Variants in CALCR observed in about 807,000 individuals in gnomAD.
CALCR encodes calcitonin receptor.
Under a neutral mutation model 59.5 loss-of-function variants are expected in CALCR, and 47 were observed. That is an observed-to-expected ratio of 0.79 (90% CI 0.63 to 1.01). CALCR has a LOEUF of 1.01. Ranked by LOEUF, CALCR falls within the 50% of genes least tolerant of loss-of-function variation. The pLI is 0.00. For synonymous variants in CALCR, 213 were observed against 211.3 expected (o/e 1.01, Z -0.07); for missense variants, 566 against 597.1 (o/e 0.95, Z 0.54).
intron 3 of CALCR, among the ~76,000 whole-genome samples, chr7:93,482,606 T>C (rs1055428087): frequency 2.6e-5 from 4 of 151,874 alleles, no homozygotes; most frequent in South Asian, 4.1e-4. Context: ...ATGGAAACCA[T>C]AGGCAAATAG....
intron 2 of CALCR, among the ~76,000 whole-genome samples, chr7:93,496,611 A>AT (rs1284760014): frequency 6.6e-6 from 1 of 151,502 alleles, no homozygotes; most frequent in Non-Finnish European, 1.5e-5. Flanking sequence ...CTCACAGGCG[A>AT]TTATTCCTTT....
At chr7:93,470,123 T>C (rs1291395336) in intron 6 of CALCR, among the ~76,000 whole-genome samples, 1 of 151,780 alleles carries the variant, frequency 6.6e-6, no homozygotes, top group Non-Finnish European at 1.5e-5. Context: ...TTGGGGCATT[T>C]TCATTGTTGA....
At chr7:93,478,933 T>C (rs770163658) in intron 4 of CALCR, among the ~76,000 whole-genome samples, 10 of 151,742 alleles carry the variant, frequency 6.6e-5, no homozygotes, top group Admixed American at 1.3e-4. Flanking sequence ...ATAGTATGGG[T>C]TGCCAACCAA....
chr7:93,568,134 A>G (rs564712882), intron 2 of CALCR, among the ~76,000 whole-genome samples: 55 of 152,286 alleles, frequency 3.6e-4, no homozygotes, highest in South Asian at 2.9e-3. Flanking sequence ...GCTCACATGC[A>G]TGGGACCTCT....
intron 2 of CALCR, among the ~76,000 whole-genome samples, chr7:93,510,049 T>C (rs1214916150): frequency 6.6e-6 from 1 of 152,218 alleles, no homozygotes; most frequent in African/African-American, 2.4e-5. Context: ...AATAAACGAC[T>C]CTTACTAAAG....
intron 8 of CALCR, among the ~76,000 whole-genome samples, chr7:93,445,154 G>A (rs1463492935): frequency 1.3e-5 from 2 of 151,990 alleles, no homozygotes; most frequent in Non-Finnish European, 2.9e-5. Flanking sequence ...AAAACACCAG[G>A]TAATCTAAAA....
At chr7:93,434,389 G>GAGA in intron 12 of CALCR, 95 bp from the exon 13 acceptor site, 1 of 511,148 alleles carries the variant, frequency 2.0e-6, no homozygotes, top group Non-Finnish European at 3.4e-6. Context: ...AAGGCCTGAT[G>GAGA]AAAAAAAAAA....
intron 7 of CALCR, among the ~76,000 whole-genome samples, chr7:93,465,114 T>C (rs1285152678): frequency 2.6e-5 from 4 of 151,930 alleles, no homozygotes; most frequent in Non-Finnish European, 4.4e-5. Flanking sequence ...CAGAAAGACA[T>C]GGATAACAAT....
chr7:93,464,725 T>C (rs1800406676), intron 7 of CALCR, among the ~76,000 whole-genome samples: 1 of 151,962 alleles, frequency 6.6e-6, no homozygotes, highest in Non-Finnish European at 1.5e-5. Context: ...AACAGTTATC[T>C]TTGGTGTCTG....
intron 2 of CALCR, among the ~76,000 whole-genome samples, chr7:93,562,768 A>G (rs564303019): frequency 6.6e-6 from 1 of 152,332 alleles, no homozygotes; most frequent in South Asian, 2.1e-4. Context: ...CTCTTCAATA[A>G]AGAATATCCT....
chr7:93,480,040 T>C (rs926347026), intron 3 of CALCR, among the ~76,000 whole-genome samples: 1 of 151,952 alleles, frequency 6.6e-6, no homozygotes, highest in Non-Finnish European at 1.5e-5. Flanking sequence ...CTGCTCCTCA[T>C]AATTGACCAT....
chr7:93,525,857 G>GA lies in CALCR; in HGVS notation c.-26-38851dup, dbSNP rs1235906302. Among the ~76,000 whole-genome samples the GA allele has an allele frequency of 3.3e-5, 5 of 151,838 alleles. 1 individual carries two copies. Among genetic ancestry groups the GA allele is most frequent in the Admixed American group, 1.3e-4 (2 of 15,238 alleles). ...GTTAATTTAAAAGTGACTGATTTTG[G>GA]AAAAAAAATCTCTTTTGTGGGGAGG... is the stretch of plus-strand genomic sequence containing the variant. On this transcript the variant is annotated intron_variant, in intron 2 of 13. Coordinates refer to ENST00000426151, the MANE Select transcript of CALCR (RefSeq NM_001742.4).
rs1445609393 is a variant in CALCR, at chr7:93,574,325, A to G, written c.-63T>C. 1 of 152,322 alleles carries G rather than the reference A, an allele frequency of 6.6e-6. No homozygotes were observed. The highest frequency in any genetic ancestry group is 1.5e-5 in the Non-Finnish European group (1 of 68,158). The allele number at this position is 152,322 out of a possible 1,614,324, so 9.4% of individuals were successfully genotyped here. The stretch of plus-strand genomic sequence containing the variant: ...TCACTGGGCGGCTGGGCACAGCTCA[A>G]TAGAAGCAAAGGGTGTTCGCAGGTG... On this transcript the variant is annotated 5_prime_UTR_variant, in exon 2 of 14. Coordinates refer to ENST00000426151, the MANE Select transcript of CALCR (RefSeq NM_001742.4).
Position 93,434,244 on chromosome 7 carries a change from C to T in CALCR, c.1191+9G>A, listed in dbSNP as rs370147163. 4.4e-6 allele frequency: 7 copies of T among 1,599,534 alleles called. No individual in the cohort carries two copies. The African/African-American group carries it at 9.4e-5, about 21-fold the overall frequency. On this transcript the variant is annotated intron_variant, in intron 13 of 13. Transcript: ENST00000426151. Reference sequence around the variant, plus strand: ...ACAAGTGATAGTATTATATGAAATGCATGCTTACCTCATTGTTGCAGAAGC... The same window carrying T: ...ACAAGTGATAGTATTATATGAAATGTATGCTTACCTCATTGTTGCAGAAGC...
chr7:93,461,455 C>T (rs1800335062), intron 7 of CALCR, among the ~76,000 whole-genome samples: 1 of 152,138 alleles, frequency 6.6e-6, no homozygotes, highest in Non-Finnish European at 1.5e-5. Flanking sequence ...GCATCCTCCT[C>T]TTCCATCATT....
intron 2 of CALCR, among the ~76,000 whole-genome samples, chr7:93,545,894 C>G (rs1337419463): frequency 6.6e-6 from 1 of 151,786 alleles, no homozygotes; most frequent in Non-Finnish European, 1.5e-5. Context: ...AGCAACTAAG[C>G]CTAATTAGGG....
Position 93,435,991 on chromosome 7 carries a change from C to A in CALCR, c.1110G>T (p.Lys370Asn), listed in dbSNP as rs746804579. The A allele has an allele frequency of 1.2e-6, 2 of 1,613,472 alleles. No individual in the cohort carries two copies. The highest frequency in any genetic ancestry group is 1.7e-6 in the Non-Finnish European group (2 of 1,179,484). Reference protein sequence around the residue: ...PWRPSNKMLGKIYDYVMHSLI... With the variant: ...PWRPSNKMLGNIYDYVMHSLI... Reference sequence around the variant, plus strand: ...GAGAGTGCATCACGTAATCATATATCTTCCCAAGCATCTTGTTGGAAGGTC... The same window carrying A: ...GAGAGTGCATCACGTAATCATATATATTCCCAAGCATCTTGTTGGAAGGTC... Residue 370 changes from lysine to asparagine, a missense_variant, in exon 12 of 14, where the codon AAG becomes AAT. By Grantham distance (94) the Lys-to-Asn change is moderately conservative. Transcript: ENST00000426151.
intron 2 of CALCR, among the ~76,000 whole-genome samples, chr7:93,564,775 G>T (rs1297235078): frequency 1.3e-5 from 2 of 151,220 alleles, no homozygotes; most frequent in African/African-American, 4.9e-5. Context: ...TTTTCCTGAA[G>T]GTAGCCCGTG....
chr7:93,501,284 T>A (rs1801316376), intron 2 of CALCR, among the ~76,000 whole-genome samples: 1 of 152,096 alleles, frequency 6.6e-6, no homozygotes, highest in South Asian at 2.1e-4. Context: ...AACATCCTGC[T>A]TTATTCAAGA....
Sources: allele counts gnomAD v4.1 joint callset (sites outside exome capture counted in the v4.1 genomes callset), GRCh38; gene constraint gnomAD v4.1.1; transcripts MANE v1.5; gene names NCBI Gene and HGNC (gene_info 2026-07-23, HGNC 2026-07-21).